The following CFAP43 variants were observed in gnomAD, a reference collection of about 807,000 sequenced individuals.
The protein encoded by CFAP43 is cilia- and flagella-associated protein 43.
CFAP43 carries 155 observed loss-of-function variants against 218.9 expected under a neutral mutation model. That is an observed-to-expected ratio of 0.71 (90% CI 0.62 to 0.81). The LOEUF (loss-of-function observed/expected upper bound fraction) is 0.81, where lower values mean the gene tolerates loss of function less well. CFAP43 is among the 30% of genes least tolerant of loss of function. The pLI is 0.00. For synonymous variants in CFAP43, 645 were observed against 681.3 expected (o/e 0.95, Z 0.83); for missense variants, 1,778 against 1,954.3 (o/e 0.91, Z 1.70).
At chr10:104,133,424 T>C in intron 35 of CFAP43, 196 bp downstream of exon 35, 1 of 514,746 alleles carries the variant, frequency 1.9e-6, no homozygotes, top group Non-Finnish European at 3.3e-6. Flanking sequence ...AGAATGATTC[T>C]ACTAAATGGG....
chr10:104,143,287 C>T, intron 32 of CFAP43, 139 bp downstream of exon 32: 1 of 742,856 alleles, frequency 1.3e-6, no homozygotes, highest in Non-Finnish European at 2.1e-6. Context: ...TATAGTATTT[C>T]ATTATCTTAT....
At chr10:104,178,034 A>AT (rs1245507563) in intron 19 of CFAP43, among the ~76,000 whole-genome samples, 2 of 152,220 alleles carry the variant, frequency 1.3e-5, no homozygotes, top group African/African-American at 4.8e-5. Context: ...AGAAGCACAG[A>AT]TTTTATAAAG....
intron 34 of CFAP43, among the ~76,000 whole-genome samples, chr10:104,139,157 T>A (rs961696139): frequency 4.6e-5 from 7 of 152,174 alleles, no homozygotes; most frequent in African/African-American, 1.7e-4. Flanking sequence ...AGGGCAATAG[T>A]AATTACCCAA....
At chr10:104,231,389 G>A (rs1404011370) in intron 1 of CFAP43, among the ~76,000 whole-genome samples, 1 of 152,212 alleles carries the variant, frequency 6.6e-6, no homozygotes, top group Non-Finnish European at 1.5e-5. Context: ...AAAATAAAAG[G>A]AATGAAGTCG....
intron 23 of CFAP43, among the ~76,000 whole-genome samples, chr10:104,166,159 C>T (rs765921166): frequency 5.3e-5 from 8 of 152,146 alleles, no homozygotes; most frequent in Non-Finnish European, 1.0e-4. Flanking sequence ...CTGCAACCTC[C>T]ACCTCCCCAG....
chr10:104,214,316 C>T lies in CFAP43; in HGVS notation c.527G>A (p.Ser176Asn), dbSNP rs1275840504. ...NWRQLCLSSP[S>N]TVSVWTIERS... ...TTCAATGGTCCACACGCTCACTGTA[C>T]TTGGACTTGATAAGCACAGCTGGCG... is the stretch of plus-strand genomic sequence containing the variant. Residue 176 changes from serine to asparagine, a missense_variant, in exon 4 of 38, where the codon AGT becomes AAT. This residue lies in a region of CFAP43 where 1,553 missense variants were observed against 1,685.2 expected (regional missense o/e 0.92). Transcript: ENST00000357060. 2 of 1,610,178 alleles carry T rather than the reference C, an allele frequency of 1.2e-6. No individual in the cohort carries two copies. The highest frequency in any genetic ancestry group is 1.1e-5 in the South Asian group (1 of 90,442).
In CFAP43 at chr10:104,133,657, T is replaced by A. The variant is rs1297063727; in HGVS notation, c.4559A>T (p.Asp1520Val). ...TCTTGAAAAAAATAGCATCTGAATA[T>A]CCCAAGCCTTCTGATTTAGATCTTC... Reference protein sequence around the residue: ...EREDLNQKAWDIQMLFFSRDR... With the variant: ...EREDLNQKAWVIQMLFFSRDR... Residue 1520 changes from aspartate (D) to valine (V), a missense_variant, in exon 35 of 38, where the codon GAT becomes GTT. This residue lies in a region of CFAP43 where 211 missense variants were observed against 230.6 expected (regional missense o/e 0.91). Coordinates refer to ENST00000357060, the MANE Select transcript of CFAP43 (RefSeq NM_025145.7). 1 of 1,613,534 alleles carries A rather than the reference T, an allele frequency of 6.2e-7. No homozygotes were observed. The highest frequency in any genetic ancestry group is 8.5e-7 in the Non-Finnish European group (1 of 1,179,840).
In CFAP43 at chr10:104,196,913, T is replaced by G; in HGVS notation, c.1233A>C (p.Glu411Asp). 1 of 1,613,108 alleles carries G rather than the reference T, an allele frequency of 6.2e-7. No homozygotes were observed. The highest frequency in any genetic ancestry group is 1.1e-5 in the South Asian group (1 of 90,980). ...QYFMTLTYSGEICVWWLEDCA... is the reference protein window; with the variant it reads ...QYFMTLTYSGDICVWWLEDCA... ...AATCCTCCAGCCACCAAACACAAAT[T>G]TCCCCTGAATATGTAAGTGTCTGTA... Residue 411 changes from glutamate to aspartate, a missense_variant, in exon 10 of 38, where the codon GAA (glutamate) becomes GAC (aspartate). Coordinates refer to ENST00000357060, the MANE Select transcript of CFAP43 (RefSeq NM_025145.7).
chr10:104,147,910 G>A lies in CFAP43; in HGVS notation c.3749C>T (p.Thr1250Ile), dbSNP rs779917648. Residue 1250 changes from threonine to isoleucine, a missense_variant, in exon 29 of 38, where the codon ACA (threonine) becomes ATA (isoleucine). Thr to Ile is a moderately conservative substitution (Grantham distance 89, BLOSUM62 -1). Transcript: ENST00000357060. ...SREKFLNNYL[T>I]RKQHEKSQTS... is the part of the protein sequence containing the mutation. ...TCTTACTTTCTCGTGCTGTTTCCTT[G>A]TAAGGTAGTTGTTCAGGAATTTTTC... The A allele has an allele frequency of 2.5e-6, 4 of 1,597,086 alleles. No individual in the cohort carries two copies. In the South Asian group the frequency reaches 4.5e-5, roughly 18 times the overall value.
At chr10:104,202,319 C>T (rs956590887) in intron 8 of CFAP43, among the ~76,000 whole-genome samples, 6 of 152,128 alleles carry the variant, frequency 3.9e-5, no homozygotes, top group African/African-American at 1.4e-4. Flanking sequence ...TTTTCTCTGT[C>T]TTTGGTTTTC....
intron 34 of CFAP43, among the ~76,000 whole-genome samples, chr10:104,137,343 G>T (rs542282423): frequency 6.6e-6 from 1 of 152,260 alleles, no homozygotes; most frequent in South Asian, 2.1e-4. Flanking sequence ...CATGCTAAGT[G>T]AAAGAAGCCA....
At position 104,219,474 on chromosome 10, in the gene CFAP43, ATCT is replaced by A. The variant is rs1184476399; in HGVS notation, c.417-5051_417-5049del. Among the ~76,000 whole-genome samples the A allele has an allele frequency of 2.0e-5, 3 of 152,346 alleles. No homozygotes were observed. In the East Asian group the frequency reaches 5.8e-4, roughly 29 times the overall value. On this transcript the variant is annotated intron_variant, in intron 3 of 37. Transcript: ENST00000357060. ...CATTGGAAATAATTGGCTGAAAGGA[ATCT>A]TCTTAAATGCAGATATAATTGTGTC...
chr10:104,229,534 C>T (rs1440144062), intron 2 of CFAP43, among the ~76,000 whole-genome samples: 2 of 151,016 alleles, frequency 1.3e-5, no homozygotes, highest in Admixed American at 6.6e-5. Context: ...CATGGTGGCG[C>T]ACACCTGTAA....
chr10:104,162,949 T>A (rs377596864), intron 24 of CFAP43, among the ~76,000 whole-genome samples: 61 of 152,240 alleles, frequency 4.0e-4, no homozygotes, highest in African/African-American at 1.4e-3. Flanking sequence ...AAATGTAGGA[T>A]GGACTAGAGC....
rs576127258 is a variant in CFAP43 at position 104,182,480 on chromosome 10, C to A, written c.2175G>T (p.Leu725=). ...AAATTAATAGTTTCTGGTAATAGTC[C>A]AGAATTTCACTGGCTAGGTGTCCTC... The part of the protein sequence containing the change: ...RFGGHLASEI[L]DYYQKLLISL... The change falls in exon 17 of 38, where the codon CTG becomes CTT. Residue 725 remains leucine, a synonymous_variant. Coordinates refer to ENST00000357060, the MANE Select transcript of CFAP43 (RefSeq NM_025145.7). 1.9e-6 allele frequency: 3 copies of A among 1,610,944 alleles called. No homozygotes were observed. The highest frequency in any genetic ancestry group is 1.3e-5 in the African/African-American group (1 of 74,814).
intron 11 of CFAP43, chr10:104,192,875 T>A (rs1703578059): frequency 6.5e-6 from 1 of 155,032 alleles, no homozygotes; most frequent in Admixed American, 6.5e-5. Flanking sequence ...CAGTCCACAG[T>A]GGCAGGGCCA....
intron 5 of CFAP43, 48 bp from the exon 6 acceptor site, chr10:104,207,872 A>G (rs1480138679): frequency 6.4e-7 from 1 of 1,558,996 alleles, no homozygotes; most frequent in Non-Finnish European, 8.7e-7. Context: ...ATCACGGCTA[A>G]AAGCCTGAGA....
intron 26 of CFAP43, among the ~76,000 whole-genome samples, 154 bp from the exon 27 acceptor site, chr10:104,161,316 T>C (rs1040178373): frequency 6.6e-6 from 1 of 152,216 alleles, no homozygotes; most frequent in Non-Finnish European, 1.5e-5. Flanking sequence ...AAAGATATTT[T>C]AAAATTTTAC....
intron 27 of CFAP43, among the ~76,000 whole-genome samples, chr10:104,153,748 T>C (rs917763617): frequency 9.9e-5 from 15 of 151,912 alleles, no homozygotes; most frequent in African/African-American, 3.6e-4. Flanking sequence ...TCTACCCTAT[T>C]TGCTTTATCA....
Sources: gnomAD v4.1 joint callset for allele counts (sites outside exome capture counted in the v4.1 genomes callset) on GRCh38, gnomAD v4.1.1 for gene constraint, gnomAD v4.1.1 regional missense constraint, MANE v1.5 for transcripts, NCBI Gene and HGNC (gene_info 2026-07-23, HGNC 2026-07-21) for gene names.